Variants in ODAD2 observed in about 807,000 individuals in gnomAD.
ODAD2 encodes the protein outer dynein arm-docking complex subunit 2.
In ODAD2, 89 loss-of-function variants were observed where a neutral mutation model predicts 106.8. The observed-to-expected ratio is 0.83, with a 90% CI of 0.70 to 0.99. The LOEUF is 0.99. Among genes scored for constraint, ODAD2 ranks in the 50% least tolerant of loss-of-function variants. ODAD2 has a pLI of 0.00. For synonymous variants in ODAD2, 404 were observed against 436.2 expected (o/e 0.93, Z 0.92); for missense variants, 1,168 against 1,238.5 (o/e 0.94, Z 0.85).
rs554115182 is a variant in ODAD2, at chr10:27,812,580, C to G, written c.3067G>C (p.Ala1023Pro). The G allele has an allele frequency of 6.2e-7, 1 of 1,613,078 alleles. No homozygotes were observed. The highest frequency in any genetic ancestry group is 1.3e-5 in the African/African-American group (1 of 74,992). ...VGSPDQDLQE[A>P]AAGCISNIRR... Reference sequence around the variant, plus strand: ...ATATTGGATATACAACCAGCTGCAGCTTCCTGGAGATCCTGGTCAGGGGAC... The same window carrying G: ...ATATTGGATATACAACCAGCTGCAGGTTCCTGGAGATCCTGGTCAGGGGAC... Residue 1023 changes from alanine (A) to proline (P), a missense_variant, in exon 20 of 20, where the codon GCT becomes CCT. Coordinates refer to ENST00000305242, the MANE Select transcript of ODAD2 (RefSeq NM_018076.5).
chr10:27,964,102 G>A (rs1848336144), intron 9 of ODAD2, among the ~76,000 whole-genome samples: 1 of 152,106 alleles, frequency 6.6e-6, no homozygotes, highest in African/African-American at 2.4e-5. Context: ...TGTGCCTCTT[G>A]TCCCAGTTAC....
At chr10:27,930,006 C>T (rs925327782) in intron 16 of ODAD2, among the ~76,000 whole-genome samples, 5 of 151,912 alleles carry the variant, frequency 3.3e-5, no homozygotes, top group African/African-American at 7.3e-5. Context: ...TGAGGAATAC[C>T]AATTACGTTT....
intron 7 of ODAD2, among the ~76,000 whole-genome samples, chr10:27,971,572 A>T (rs1470249352): frequency 6.6e-6 from 1 of 152,116 alleles, no homozygotes; most frequent in East Asian, 1.9e-4. Flanking sequence ...CTCATTCCTC[A>T]CCACCACCAA....
At chr10:27,967,682 G>T (rs1334078961) in intron 9 of ODAD2, among the ~76,000 whole-genome samples, 1 of 152,106 alleles carries the variant, frequency 6.6e-6, no homozygotes, top group African/African-American at 2.4e-5. Flanking sequence ...CTTGAGGTCA[G>T]GAGTTCAAGA....
intron 10 of ODAD2, among the ~76,000 whole-genome samples, chr10:27,950,586 G>T (rs1317983760): frequency 1.3e-5 from 2 of 152,064 alleles, no homozygotes; most frequent in Non-Finnish European, 2.9e-5. Context: ...TCTTCTAATT[G>T]TATTTATTTA....
intron 14 of ODAD2, among the ~76,000 whole-genome samples, chr10:27,938,393 A>G (rs780304619): frequency 1.3e-5 from 2 of 152,138 alleles, no homozygotes; most frequent in Admixed American, 6.5e-5. Flanking sequence ...GTGGGAGGAC[A>G]CAGGGAAAAG....
At chr10:27,833,705 T>A (rs1228116071) in intron 19 of ODAD2, among the ~76,000 whole-genome samples, 1 of 152,246 alleles carries the variant, frequency 6.6e-6, no homozygotes, top group Non-Finnish European at 1.5e-5. Flanking sequence ...TGGCAGGCAC[T>A]GAACTAGTTC....
At chr10:27,950,567 T>C (rs1044362814) in intron 10 of ODAD2, among the ~76,000 whole-genome samples, 7 of 152,192 alleles carry the variant, frequency 4.6e-5, no homozygotes, top group African/African-American at 1.7e-4. Flanking sequence ...ACAAGGATGC[T>C]ACATACATTC....
At chr10:27,989,401 T>G (rs559661744) in intron 2 of ODAD2, among the ~76,000 whole-genome samples, 32 of 152,318 alleles carry the variant, frequency 2.1e-4, no homozygotes, top group African/African-American at 6.7e-4. Flanking sequence ...CATGCATTGT[T>G]CACAAAATGT....
At chr10:27,924,008 A>AAGAAAGAGAGAG (rs1554810840) in intron 16 of ODAD2, among the ~76,000 whole-genome samples, 3 of 104,188 alleles carry the variant, frequency 2.9e-5, no homozygotes, top group Admixed American at 9.7e-5. Context: ...GAAAGAAAGA[A>AAGAAAGAGAGAG]AGAAAGAAAG....
At chr10:27,904,314 C>T (rs147832934) in intron 17 of ODAD2, 39 of 345,648 alleles carry the variant, frequency 1.1e-4, no homozygotes, top group South Asian at 3.9e-4. Flanking sequence ...TGTGTATGCG[C>T]GGGGAACATG....
rs557484398 is a variant in ODAD2, at chr10:27,893,585, G to C, written c.2610+14078C>G. On this transcript the variant is annotated intron_variant, in intron 17 of 19. Coordinates refer to ENST00000305242, the MANE Select transcript of ODAD2 (RefSeq NM_018076.5). ...ATTTCAAAGTGATGCCAAATCCTATGACTCATAAGTTAATAAGTCTAAAGT... is the reference window on the plus strand; with the variant it reads ...ATTTCAAAGTGATGCCAAATCCTATCACTCATAAGTTAATAAGTCTAAAGT... 2.0e-5 allele frequency among the ~76,000 whole-genome samples: 3 copies of C among 152,248 alleles called. No individual in the cohort carries two copies. In the South Asian group the frequency reaches 6.2e-4, roughly 32 times the overall value.
intron 18 of ODAD2, among the ~76,000 whole-genome samples, chr10:27,861,726 T>C (rs570003158): frequency 2.6e-5 from 4 of 152,362 alleles, no homozygotes; most frequent in African/African-American, 9.6e-5. Flanking sequence ...GTAATTGCCC[T>C]GTAATGGGCA....
At chr10:27,953,845 T>C (rs560990171) in intron 10 of ODAD2, among the ~76,000 whole-genome samples, 4 of 151,848 alleles carry the variant, frequency 2.6e-5, no homozygotes, top group Non-Finnish European at 4.4e-5. Flanking sequence ...CAGAAGGGAG[T>C]AAGGGAAACG....
chr10:27,972,443 T>A (rs1247696202), intron 7 of ODAD2, among the ~76,000 whole-genome samples: 1 of 152,152 alleles, frequency 6.6e-6, no homozygotes, highest in African/African-American at 2.4e-5. Context: ...AGTAGTTACA[T>A]CAAATGAAAG....
chr10:27,890,238 A>G (rs546473435), intron 17 of ODAD2, among the ~76,000 whole-genome samples: 1 of 152,288 alleles, frequency 6.6e-6, no homozygotes, highest in South Asian at 2.1e-4. Flanking sequence ...AGAAGAGGCC[A>G]TCTGGGGTCC....
chr10:27,996,449 T>C (rs1850562732), intron 1 of ODAD2, among the ~76,000 whole-genome samples: 1 of 152,070 alleles, frequency 6.6e-6, no homozygotes, highest in South Asian at 2.1e-4. Flanking sequence ...ATCAACATGA[T>C]AGGAAAGGGG....
At chr10:27,873,891 G>A (rs1841108420) in intron 17 of ODAD2, among the ~76,000 whole-genome samples, 1 of 152,142 alleles carries the variant, frequency 6.6e-6, no homozygotes, top group Admixed American at 6.6e-5. Context: ...GCAGAGCTGA[G>A]TTCAATTCCT....
intron 17 of ODAD2, among the ~76,000 whole-genome samples, chr10:27,907,259 T>C (rs531443607): frequency 2.6e-5 from 4 of 152,280 alleles, no homozygotes; most frequent in Admixed American, 1.3e-4. Flanking sequence ...CAGAACGTAG[T>C]GCTCTCTCAC....
Sources: allele counts gnomAD v4.1 joint callset (sites outside exome capture counted in the v4.1 genomes callset), GRCh38; gene constraint gnomAD v4.1.1; transcripts MANE v1.5; gene names NCBI Gene and HGNC (gene_info 2026-07-23, HGNC 2026-07-21).